The following DST variants were observed in gnomAD, a reference collection of about 807,000 sequenced individuals.
The protein encoded by DST is bullous pemphigoid antigen.
A neutral mutation model predicts 875.2 loss-of-function variants in DST; 253 were observed. The observed-to-expected ratio is 0.29, with a 90% CI of 0.26 to 0.32. The LOEUF (loss-of-function observed/expected upper bound fraction) is 0.32, where lower values mean the gene tolerates loss of function less well. Ranked by LOEUF, DST falls within the 10% of genes least tolerant of loss-of-function variation. DST has a pLI of 1.00. For synonymous variants in DST, 3,124 were observed against 3,197.1 expected (o/e 0.98, Z 0.77); for missense variants, 8,287 against 9,111.6 (o/e 0.91, Z 3.68).
chr6:56,548,082 G>A (rs1360306362), intron 61 of DST, among the ~76,000 whole-genome samples: 1 of 152,218 alleles, frequency 6.6e-6, no homozygotes, highest in Non-Finnish European at 1.5e-5. Context: ...CAATGGTCTA[G>A]ATCAGGGGTG....
intron 37 of DST, among the ~76,000 whole-genome samples, chr6:56,613,791 C>G (rs1449429084): frequency 1.3e-5 from 2 of 151,942 alleles, no homozygotes; most frequent in African/African-American, 4.8e-5. Flanking sequence ...GAAGATAGCC[C>G]GTTAAGACTA....
At chr6:56,793,749 T>C (rs1297565055) in intron 4 of DST, among the ~76,000 whole-genome samples, 2 of 152,206 alleles carry the variant, frequency 1.3e-5, no homozygotes, top group Non-Finnish European at 2.9e-5. Context: ...AACAGTATTT[T>C]TATTAAAAGT....
chr6:56,577,552 A>C (rs1260029265), intron 50 of DST, among the ~76,000 whole-genome samples: 1 of 152,190 alleles, frequency 6.6e-6, no homozygotes, highest in Non-Finnish European at 1.5e-5. Flanking sequence ...GTACATAATA[A>C]AAAACATCTG....
Position 56,802,624 on chromosome 6 carries a change from C to A in DST, c.625+48773G>T, listed in dbSNP as rs1344027924. Among the ~76,000 whole-genome samples, 6 of 152,222 alleles carry A rather than the reference C, an allele frequency of 3.9e-5. No individual in the cohort carries two copies. The East Asian group carries it at 1.2e-3, about 29-fold the overall frequency. On this transcript the variant is annotated intron_variant, in intron 4 of 103. Transcript: ENST00000680361. The stretch of plus-strand genomic sequence containing the variant: ...AGGACAAAGCATGAGCTCATGGGAA[C>A]GTACTAATTTATCTGATATAGCACA...
chr6:56,745,571 T>C (rs1010403798), intron 4 of DST, among the ~76,000 whole-genome samples: 23 of 152,262 alleles, frequency 1.5e-4, no homozygotes, highest in Admixed American at 1.3e-3. Flanking sequence ...GGGAAGAATA[T>C]TTCAAAACAA....
At chr6:56,923,434 G>C (rs549680239) in intron 2 of DST, among the ~76,000 whole-genome samples, 116 of 137,916 alleles carry the variant, frequency 8.4e-4, no homozygotes, top group Non-Finnish European at 1.6e-3. Flanking sequence ...TAGATGGAGA[G>C]AGTGGATGCT....
chr6:56,849,385 G>A (rs1421686981), intron 4 of DST, among the ~76,000 whole-genome samples: 1 of 151,896 alleles, frequency 6.6e-6, no homozygotes, highest in Non-Finnish European at 1.5e-5. Context: ...TCCGCCCACG[G>A]GGGCCTCCCA....
At chr6:56,742,842 T>C (rs1348821637) in intron 4 of DST, among the ~76,000 whole-genome samples, 3 of 152,216 alleles carry the variant, frequency 2.0e-5, no homozygotes, top group Non-Finnish European at 4.4e-5. Flanking sequence ...TACATCCTTC[T>C]GGGAGAAAAC....
At chr6:56,744,943 G>C (rs2152943092) in intron 4 of DST, among the ~76,000 whole-genome samples, 1 of 152,184 alleles carries the variant, frequency 6.6e-6, no homozygotes, top group Middle Eastern at 3.4e-3. Flanking sequence ...TATTAGTATA[G>C]ACGTACAACT....
intron 61 of DST, 111 bp from the exon 62 acceptor site, chr6:56,537,051 G>A (rs1200113095): frequency 4.4e-6 from 4 of 914,646 alleles, no homozygotes; most frequent in Middle Eastern, 3.3e-4. Context: ...TTATTACAGA[G>A]GTAAAGATAA....
intron 33 of DST, 149 bp downstream of exon 33, chr6:56,627,850 T>G: frequency 1.4e-6 from 1 of 708,682 alleles, no homozygotes; most frequent in Non-Finnish European, 2.3e-6. Flanking sequence ...TATGTAGGTT[T>G]GGGTTGCAAG....
intron 9 of DST, chr6:56,692,882 C>T: frequency 7.8e-7 from 1 of 1,289,830 alleles, no homozygotes; most frequent in Non-Finnish European, 1.0e-6. Context: ...TCTCCCAGTG[C>T]AGAGTTTAGG....
intron 3 of DST, among the ~76,000 whole-genome samples, chr6:56,853,693 G>T (rs1766422989): frequency 6.6e-6 from 1 of 151,860 alleles, no homozygotes; most frequent in Non-Finnish European, 1.5e-5. Flanking sequence ...TTTTTTAATG[G>T]CCTGAGTCTC....
intron 80 of DST, among the ~76,000 whole-genome samples, chr6:56,500,309 C>T (rs747663621): frequency 1.3e-5 from 2 of 152,078 alleles, no homozygotes; most frequent in Non-Finnish European, 2.9e-5. Context: ...ATAAACTCTA[C>T]TGTGCATAAT....
At chr6:56,602,530 T>A (rs1262296666) in intron 43 of DST, among the ~76,000 whole-genome samples, 1 of 151,972 alleles carries the variant, frequency 6.6e-6, no homozygotes, top group Non-Finnish European at 1.5e-5. Flanking sequence ...CATCATTAAG[T>A]GATGCATGAC....
intron 3 of DST, among the ~76,000 whole-genome samples, chr6:56,879,543 T>C (rs994411245): frequency 6.6e-6 from 1 of 152,210 alleles, no homozygotes. Flanking sequence ...ATAGTTATTA[T>C]CTATTCAGTC....
intron 4 of DST, among the ~76,000 whole-genome samples, chr6:56,739,879 A>C (rs1377206549): frequency 6.6e-6 from 1 of 152,074 alleles, no homozygotes; most frequent in Non-Finnish European, 1.5e-5. Flanking sequence ...AAAATGAGCA[A>C]CCAGCAGCCC....
intron 2 of DST, among the ~76,000 whole-genome samples, chr6:56,944,169 C>G (rs1010358205): frequency 4.6e-5 from 7 of 152,038 alleles, no homozygotes; most frequent in African/African-American, 1.7e-4. Flanking sequence ...TCTCTTTCCC[C>G]TTAAGGAAAA....
At chr6:56,650,838 C>G (rs1280538183) in intron 12 of DST, 88 bp downstream of exon 12, 2 of 780,066 alleles carry the variant, frequency 2.6e-6, no homozygotes, top group Non-Finnish European at 4.2e-6. Flanking sequence ...ATTCAACATT[C>G]AAAAACTGCA....
Sources: allele counts gnomAD v4.1 joint callset (sites outside exome capture counted in the v4.1 genomes callset), GRCh38; gene constraint gnomAD v4.1.1; transcripts MANE v1.5; gene names NCBI Gene and HGNC (gene_info 2026-07-23, HGNC 2026-07-21).